Variants in SLC25A48 observed in about 807,000 individuals in gnomAD.
SLC25A48 encodes CTC-321K16.1.
SLC25A48 carries 29 observed loss-of-function variants against 32.2 expected under a neutral mutation model. The observed-to-expected ratio is 0.90, with a 90% CI of 0.67 to 1.23. The LOEUF (loss-of-function observed/expected upper bound fraction) is 1.23. Ranked by LOEUF, SLC25A48 falls within the 50% of genes most tolerant of loss-of-function variation. SLC25A48 has a pLI of 0.00. For missense variants in SLC25A48, 399 were observed against 422.7 expected (o/e 0.94, Z 0.49); for synonymous variants, 164 against 172.3 (o/e 0.95, Z 0.38).
chr5:135,755,473 T>C (rs1043601613), intron 3 of SLC25A48, among the ~76,000 whole-genome samples: 1 of 152,074 alleles, frequency 6.6e-6, no homozygotes, highest in Non-Finnish European at 1.5e-5. Flanking sequence ...ATTGCTGTGA[T>C]ACTTATCATA....
intron 4 of SLC25A48, among the ~76,000 whole-genome samples, chr5:135,856,866 C>G (rs1022925390): frequency 2.0e-5 from 3 of 152,240 alleles, no homozygotes; most frequent in African/African-American, 7.2e-5. Context: ...GCTCTTTGCT[C>G]TATCCCGACT....
At chr5:135,717,611 AT>A (rs1484459926) in intron 3 of SLC25A48, among the ~76,000 whole-genome samples, 5 of 152,202 alleles carry the variant, frequency 3.3e-5, no homozygotes, top group African/African-American at 1.2e-4. Context: ...AGACTCAAAC[AT>A]GGCTACACAA....
intron 3 of SLC25A48, among the ~76,000 whole-genome samples, chr5:135,656,861 G>A (rs912742013): frequency 6.6e-6 from 1 of 152,184 alleles, no homozygotes; most frequent in African/African-American, 2.4e-5. Context: ...TGCCCCACAT[G>A]TTTCTGAGGG....
chr5:135,722,112 A>C (rs867880582), intron 3 of SLC25A48, among the ~76,000 whole-genome samples: 1 of 152,266 alleles, frequency 6.6e-6, no homozygotes, highest in African/African-American at 2.4e-5. Context: ...CAATATCAGC[A>C]GGCTTAGGAC....
At chr5:135,588,025 C>T (rs1751412437) in intron 1 of SLC25A48, among the ~76,000 whole-genome samples, 2 of 152,170 alleles carry the variant, frequency 1.3e-5, no homozygotes, top group East Asian at 1.9e-4. Flanking sequence ...TGTGTGTTGG[C>T]GGAGGCCCGA....
chr5:135,650,372 AG>A, intron 3 of SLC25A48: 1 of 454,468 alleles, frequency 2.2e-6, no homozygotes, highest in Non-Finnish European at 4.4e-6. Flanking sequence ...AGCATTCAAG[AG>A]GTCAGAAGTG....
chr5:135,840,741 A>G (rs1758921381), intron 1 of SLC25A48, among the ~76,000 whole-genome samples: 1 of 152,236 alleles, frequency 6.6e-6, no homozygotes, highest in African/African-American at 2.4e-5. Context: ...GCATGCATCA[A>G]TAGTTCATTT....
intron 3 of SLC25A48, among the ~76,000 whole-genome samples, chr5:135,769,909 C>G (rs1561484220): frequency 6.6e-6 from 1 of 151,382 alleles, no homozygotes; most frequent in African/African-American, 2.4e-5. Context: ...GTACACACCC[C>G]TGTGATATTG....
chr5:135,653,471 T>A (rs1337734052), intron 3 of SLC25A48, among the ~76,000 whole-genome samples: 2 of 152,214 alleles, frequency 1.3e-5, no homozygotes, highest in Non-Finnish European at 2.9e-5. Flanking sequence ...AAGGTTTTGG[T>A]CACTCTACCA....
chr5:135,815,434 C>T (rs1757691823), intron 4 of SLC25A48, among the ~76,000 whole-genome samples: 1 of 152,104 alleles, frequency 6.6e-6, no homozygotes, highest in Non-Finnish European at 1.5e-5. Flanking sequence ...GGCCTGGTTC[C>T]TAAAAGGCCA....
chr5:135,759,306 G>A (rs187393309), intron 3 of SLC25A48, among the ~76,000 whole-genome samples: 2 of 152,134 alleles, frequency 1.3e-5, no homozygotes, highest in African/African-American at 2.4e-5. Flanking sequence ...ATACCACTTC[G>A]AGTTATAAAC....
At chr5:135,815,579 G>T (rs1757696594) in intron 4 of SLC25A48, among the ~76,000 whole-genome samples, 1 of 152,196 alleles carries the variant, frequency 6.6e-6, no homozygotes, top group Non-Finnish European at 1.5e-5. Flanking sequence ...CTCTATGTAT[G>T]GGTAAGGGCA....
intron 3 of SLC25A48, among the ~76,000 whole-genome samples, chr5:135,723,396 A>ACG (rs1305563906): frequency 1.3e-4 from 19 of 150,750 alleles, no homozygotes; most frequent in African/African-American, 4.6e-4. Flanking sequence ...ACACACACAC[A>ACG]CACACACACA....
Position 135,880,084 on chromosome 5 carries a change from C to T in SLC25A48, c.930C>T (p.Ser310=). 6.5e-7 allele frequency: 1 copy of T among 1,536,024 alleles called. No individual in the cohort carries two copies. The highest frequency in any genetic ancestry group is 1.2e-5 in the South Asian group (1 of 84,052). The change falls in exon 7 of 8, where the codon AGC becomes AGT. Residue 310 remains serine (S), a synonymous_variant. Coordinates refer to ENST00000681962, the MANE Select transcript of SLC25A48 (RefSeq NM_001349336.2). ...QAIRGDHAVT[S]P Reference sequence around the variant, plus strand: ...TCCGCGGGGACCACGCAGTGACGAGCCCATAAGCGCCAGGTCAGTGTGCTT... The same window carrying T: ...TCCGCGGGGACCACGCAGTGACGAGTCCATAAGCGCCAGGTCAGTGTGCTT...
At chr5:135,622,819 C>A (rs1752356093) in intron 1 of SLC25A48, among the ~76,000 whole-genome samples, 1 of 152,090 alleles carries the variant, frequency 6.6e-6, no homozygotes, top group Non-Finnish European at 1.5e-5. Context: ...CCAAGAGATT[C>A]TGAAATAAAT....
chr5:135,769,498 G>A (rs1756343807), intron 3 of SLC25A48, among the ~76,000 whole-genome samples: 2 of 151,484 alleles, frequency 1.3e-5, no homozygotes, highest in Admixed American at 1.3e-4. Context: ...AAAGAGGAAG[G>A]TATTACTCCT....
upstream of SLC25A48, among the ~76,000 whole-genome samples, chr5:135,833,240 C>T (rs1248901675): frequency 6.6e-6 from 1 of 152,254 alleles, no homozygotes; most frequent in African/African-American, 2.4e-5. Flanking sequence ...GTTAGTAGTT[C>T]AAGCAGCAGC....
At chr5:135,650,195 T>A in intron 3 of SLC25A48, 1 of 266,040 alleles carries the variant, frequency 3.8e-6, no homozygotes, top group African/African-American at 2.3e-5. Context: ...TTGTCCAACC[T>A]CATAGTCCTT....
At chr5:135,835,393 G>A (rs1363360117) in intron 1 of SLC25A48, among the ~76,000 whole-genome samples, 1 of 152,130 alleles carries the variant, frequency 6.6e-6, no homozygotes, top group African/African-American at 2.4e-5. Flanking sequence ...GGAGCGGAGC[G>A]CCGGCTGCAG....
Sources: allele counts gnomAD v4.1 joint callset (sites outside exome capture counted in the v4.1 genomes callset), GRCh38; gene constraint gnomAD v4.1.1; transcripts MANE v1.5; gene names NCBI Gene and HGNC (gene_info 2026-07-23, HGNC 2026-07-21).